ATF2: variants seen among roughly 807,000 people sequenced by gnomAD.
The protein encoded by ATF2 is activating transcription factor 2, also known as cyclic AMP-dependent transcription factor ATF-2.
Under a neutral mutation model 60.6 loss-of-function variants are expected in ATF2, and 24 were observed. That is an observed-to-expected ratio of 0.40 (90% CI 0.29 to 0.56). The LOEUF (loss-of-function observed/expected upper bound fraction) is 0.56, where lower values mean the gene tolerates loss of function less well. ATF2 is among the 20% of genes least tolerant of loss of function. ATF2 has a pLI of 0.54. For synonymous variants in ATF2, 206 were observed against 215.4 expected (o/e 0.96, Z 0.38); for missense variants, 433 against 607.7 (o/e 0.71, Z 3.02).
In ATF2 at chr2:175,080,763, A is replaced by T. The variant is rs146453204; in HGVS notation, c.1188T>A (p.Ser396Arg). The change falls in exon 13 of 14, where the codon AGT becomes AGA. Residue 396 changes from serine (S) to arginine (R), a missense_variant and splice_region_variant. Transcript: ENST00000264110. ...DLSSLNGQLQ[S>R]EVTLLRNEVA... Reference sequence around the variant, plus strand: ...CTTCATTTCTCAGCAGGGTGACTTCACTCTGGAGAAGAAACAACTTATGTA... The same window carrying T: ...CTTCATTTCTCAGCAGGGTGACTTCTCTCTGGAGAAGAAACAACTTATGTA... The T allele has an allele frequency of 1.7e-5, 28 of 1,611,450 alleles. No homozygotes were observed. Among genetic ancestry groups the T allele is most frequent in the Non-Finnish European group, 2.2e-5 (26 of 1,178,460 alleles).
intron 13 of ATF2, among the ~76,000 whole-genome samples, chr2:175,077,612 G>A (rs969961955): frequency 5.3e-5 from 8 of 152,132 alleles, no homozygotes; most frequent in South Asian, 4.1e-4. Flanking sequence ...ATAAGGAAAC[G>A]TAAATACATA....
intron 10 of ATF2, among the ~76,000 whole-genome samples, chr2:175,099,004 T>G (rs1445133641): frequency 3.3e-5 from 5 of 152,198 alleles, no homozygotes; most frequent in Admixed American, 3.3e-4. Flanking sequence ...GGTGTGATTT[T>G]TAAAATAAAG....
At chr2:175,122,603 T>C (rs1697041148) in intron 4 of ATF2, among the ~76,000 whole-genome samples, 1 of 152,020 alleles carries the variant, frequency 6.6e-6, no homozygotes, top group Non-Finnish European at 1.5e-5. Flanking sequence ...AATGAAACAT[T>C]TTTAACATTT....
intron 1 of ATF2, among the ~76,000 whole-genome samples, chr2:175,158,067 G>GA (rs1343437453): frequency 6.6e-6 from 1 of 151,744 alleles, no homozygotes; most frequent in Non-Finnish European, 1.5e-5. Context: ...CGAACACTCA[G>GA]TACATTCATG....
At chr2:175,136,698 C>T (rs1278258948) in intron 2 of ATF2, among the ~76,000 whole-genome samples, 5 of 152,016 alleles carry the variant, frequency 3.3e-5, no homozygotes, top group Admixed American at 6.5e-5. Flanking sequence ...TCTAACTCCA[C>T]CAAAGGGATT....
chr2:175,077,240 T>C (rs1332636184), intron 13 of ATF2, among the ~76,000 whole-genome samples: 1 of 152,142 alleles, frequency 6.6e-6, no homozygotes, highest in Non-Finnish European at 1.5e-5. Flanking sequence ...CTATTGTGAA[T>C]AGTGCTGCAA....
chr2:175,147,475 C>T (rs1258733080), intron 2 of ATF2, among the ~76,000 whole-genome samples: 3 of 152,112 alleles, frequency 2.0e-5, no homozygotes, highest in Non-Finnish European at 4.4e-5. Context: ...ATAAACATTG[C>T]AAACTCTTAA....
intron 1 of ATF2, among the ~76,000 whole-genome samples, chr2:175,159,254 G>C (rs919550926): frequency 6.6e-6 from 1 of 152,060 alleles, no homozygotes; most frequent in Admixed American, 6.6e-5. Context: ...GGGAGGTGGA[G>C]GGTTCAGTGA....
intron 12 of ATF2, among the ~76,000 whole-genome samples, chr2:175,090,810 T>C (rs1310008801): frequency 2.0e-5 from 3 of 152,162 alleles, no homozygotes; most frequent in South Asian, 2.1e-4. Context: ...ATCAAAAAAC[T>C]TCTACCCAAA....
At chr2:175,107,691 G>A (rs527601585) in intron 10 of ATF2, among the ~76,000 whole-genome samples, 29 of 152,208 alleles carry the variant, frequency 1.9e-4, no homozygotes, top group Non-Finnish European at 3.1e-4. Context: ...ACAGCAGGCC[G>A]AGTGCCTGCG....
intron 13 of ATF2, 133 bp downstream of exon 13, chr2:175,080,527 A>ATT (rs1237786752): frequency 3.0e-6 from 2 of 665,594 alleles, no homozygotes; most frequent in African/African-American, 3.6e-5. Context: ...TTCTATAATA[A>ATT]CCTTACAGAA....
intron 7 of ATF2, among the ~76,000 whole-genome samples, chr2:175,115,078 G>GTT (rs1553507822): frequency 1.4e-5 from 2 of 144,088 alleles, no homozygotes; most frequent in South Asian, 2.2e-4. Flanking sequence ...AAAAAGACTC[G>GTT]TTTTTTTTTT....
In ATF2 at chr2:175,141,391, C is replaced by T. The variant is rs759822639; in HGVS notation, c.-43-4905G>A. On this transcript the variant is annotated intron_variant, in intron 2 of 13. Coordinates refer to ENST00000264110, the MANE Select transcript of ATF2 (RefSeq NM_001880.4). ...TAATAAAGTGCCCCCGGCACTTTAT[C>T]CAAATTAAATACAACATGAAGCTTT... 7.2e-5 allele frequency among the ~76,000 whole-genome samples: 11 copies of T among 152,008 alleles called. No individual in the cohort carries two copies. The South Asian group carries it at 2.3e-3, about 32-fold the overall frequency.
At chr2:175,076,401 A>T (rs916760450) in intron 13 of ATF2, among the ~76,000 whole-genome samples, 1 of 152,108 alleles carries the variant, frequency 6.6e-6, no homozygotes, top group Non-Finnish European at 1.5e-5. Flanking sequence ...TATAAAACAG[A>T]ATGAATACTT....
intron 1 of ATF2, among the ~76,000 whole-genome samples, chr2:175,152,329 C>T (rs146805041): frequency 1.3e-5 from 2 of 152,038 alleles, no homozygotes; most frequent in Non-Finnish European, 1.5e-5. Flanking sequence ...ACCAGAATGA[C>T]AACATAAGAG....
chr2:175,129,927 C>T (rs902098415), intron 4 of ATF2, among the ~76,000 whole-genome samples: 3 of 151,936 alleles, frequency 2.0e-5, no homozygotes, highest in South Asian at 4.1e-4. Flanking sequence ...ATGCTCCCCC[C>T]CTCCGTATTG....
chr2:175,127,002 T>C (rs768044377), intron 4 of ATF2: 1 of 151,902 alleles, frequency 6.6e-6, no homozygotes, highest in Admixed American at 6.6e-5. Context: ...GAGGCCAAGG[T>C]AGGCAGATGG....
At chr2:175,127,119 G>A (rs1697391039) in intron 4 of ATF2, 1 of 152,048 alleles carries the variant, frequency 6.6e-6, no homozygotes, top group Admixed American at 6.6e-5. Flanking sequence ...AGCACCTGTG[G>A]TCCCAGCTAC....
At chr2:175,146,497 A>C (rs1049118675) in intron 2 of ATF2, among the ~76,000 whole-genome samples, 52 of 152,218 alleles carry the variant, frequency 3.4e-4, no homozygotes, top group African/African-American at 1.2e-3. Context: ...GTAAAAAATA[A>C]AAACTTATAG....
Sources: allele counts gnomAD v4.1 joint callset (sites outside exome capture counted in the v4.1 genomes callset), GRCh38; gene constraint gnomAD v4.1.1; transcripts MANE v1.5; gene names NCBI Gene and HGNC (gene_info 2026-07-23, HGNC 2026-07-21).